The following FCMR variants were observed in gnomAD, a reference collection of about 807,000 sequenced individuals.
FCMR encodes the protein immunoglobulin mu Fc receptor.
FCMR carries 34 observed loss-of-function variants against 41.6 expected under a neutral mutation model. That is an observed-to-expected ratio of 0.82 (90% CI 0.62 to 1.09). The LOEUF is 1.09. Among genes scored for constraint, FCMR ranks in the 50% least tolerant of loss-of-function variants. The pLI is 0.00. For synonymous variants in FCMR, 209 were observed against 211.8 expected (o/e 0.99, Z 0.12); for missense variants, 496 against 512.5 (o/e 0.97, Z 0.31).
At chr1:206,921,721 C>T in intron 1 of FCMR, 97 bp downstream of exon 1, 1 of 1,203,358 alleles carries the variant, frequency 8.3e-7, no homozygotes, top group Non-Finnish European at 1.2e-6. Flanking sequence ...CTGAATCCAT[C>T]CAGAAACATC....
At chr1:206,917,430 C>G (rs1391838351) in intron 1 of FCMR, among the ~76,000 whole-genome samples, 2 of 152,128 alleles carry the variant, frequency 1.3e-5, no homozygotes, top group African/African-American at 4.8e-5. Context: ...AGGCCTGCAG[C>G]CTGTCACAAA....
At chr1:206,920,381 G>A (rs1679381939) in intron 1 of FCMR, among the ~76,000 whole-genome samples, 1 of 151,614 alleles carries the variant, frequency 6.6e-6, no homozygotes, top group African/African-American at 2.4e-5. Flanking sequence ...CTTGAACCCA[G>A]GAGGCGGAGG....
rs1307382306 is a variant in FCMR, at chr1:206,909,040, CGA to C, written c.1044+420_1044+421del. Among the ~76,000 whole-genome samples, 1 of 152,142 alleles carries C rather than the reference CGA, an allele frequency of 6.6e-6. No homozygotes were observed. Among genetic ancestry groups the C allele is most frequent in the Non-Finnish European group, 1.5e-5 (1 of 68,012 alleles). Reference sequence around the variant, plus strand: ...AAGGTAAATTACCTCCTCTCATCTTCGAGAGTTTACTAGAAAGTTCTCGCGCA... The same window carrying C: ...AAGGTAAATTACCTCCTCTCATCTTCGAGTTTACTAGAAAGTTCTCGCGCA... On this transcript the variant is annotated intron_variant, in intron 7 of 7. Transcript: ENST00000367091. The surrounding 1 kb of genome is among the most constrained non-coding windows in gnomAD (Gnocchi z 5.0).
At chr1:206,917,283 T>C (rs912173913) in intron 1 of FCMR, among the ~76,000 whole-genome samples, 9 of 152,108 alleles carry the variant, frequency 5.9e-5, no homozygotes, top group Non-Finnish European at 1.2e-4. Flanking sequence ...TCAACTCAAA[T>C]AAGAGCAGAT....
At chr1:206,906,730 G>A (rs1230959612) in intron 7 of FCMR, among the ~76,000 whole-genome samples, 1 of 151,904 alleles carries the variant, frequency 6.6e-6, no homozygotes, top group Non-Finnish European at 1.5e-5. Context: ...GAGAGGCAGG[G>A]TCAGCTTGGA....
chr1:206,915,779 T>C (rs137977594), intron 1 of FCMR, among the ~76,000 whole-genome samples: 1,738 of 152,252 alleles, frequency 0.011, 40 homozygotes, highest in African/African-American at 0.039. Flanking sequence ...GAACATAGCA[T>C]GTCCATGGGC....
intron 1 of FCMR, among the ~76,000 whole-genome samples, chr1:206,915,082 A>G (rs910255969): frequency 6.6e-6 from 1 of 152,240 alleles, no homozygotes; most frequent in Admixed American, 6.5e-5. Context: ...CCATCTAGCC[A>G]TTCATCCACA....
At chr1:206,917,167 A>G (rs1471659557) in intron 1 of FCMR, among the ~76,000 whole-genome samples, 1 of 152,172 alleles carries the variant, frequency 6.6e-6, no homozygotes, top group Non-Finnish European at 1.5e-5. Flanking sequence ...ACCATACAAA[A>G]TAAGATCAAG....
intron 1 of FCMR, among the ~76,000 whole-genome samples, chr1:206,919,673 G>T (rs996010563): frequency 1.3e-5 from 2 of 152,136 alleles, no homozygotes; most frequent in Non-Finnish European, 2.9e-5. Flanking sequence ...TGTGGGCATG[G>T]GCATGACTGG....
chr1:206,907,532 G>A, intron 7 of FCMR: 2 of 490,026 alleles, frequency 4.1e-6, no homozygotes, highest in Non-Finnish European at 7.8e-6. Context: ...TCCACCGTGT[G>A]GGCCCTGTCT....
chr1:206,912,762 G>A (rs564877611), intron 3 of FCMR, among the ~76,000 whole-genome samples, 167 bp downstream of exon 3: 8 of 152,296 alleles, frequency 5.3e-5, no homozygotes, highest in Non-Finnish European at 1.2e-4. Context: ...GATATGGACC[G>A]CAGATCTCAG....
At chr1:206,916,122 C>T (rs1679181802) in intron 1 of FCMR, among the ~76,000 whole-genome samples, 1 of 152,140 alleles carries the variant, frequency 6.6e-6, no homozygotes, top group African/African-American at 2.4e-5. Context: ...GACATGGAAA[C>T]CCTCACATGA....
Position 206,921,837 on chromosome 1 carries a change from C to G in FCMR, c.18G>C (p.Trp6Cys). 1 of 1,614,130 alleles carries G rather than the reference C, an allele frequency of 6.2e-7. No homozygotes were observed. The highest frequency in any genetic ancestry group is 2.2e-5 in the East Asian group (1 of 44,888). ...ACTTACCTGGCAGGAAGTAAAGTGG[C>G]CAAAGCCAGAAGTCCATTGTCCCTT... is the stretch of plus-strand genomic sequence containing the variant. The part of the protein sequence containing the change: MDFWL[W>C]PLYFLPVSGA... Residue 6 changes from tryptophan (W) to cysteine (C), a missense_variant, in exon 1 of 8, where the codon TGG becomes TGC. Physicochemically the swap from Trp to Cys is radical, Grantham distance 215. Transcript: ENST00000367091.
chr1:206,909,971 T>C lies in FCMR; in HGVS notation c.842-103A>G, dbSNP rs773003045. ...CTCCTCCCTCGGGCTTGGCAGTGTCTGACCTGGAGATGCTCCAAGCGTGGG... is the reference window on the plus strand; with the variant it reads ...CTCCTCCCTCGGGCTTGGCAGTGTCCGACCTGGAGATGCTCCAAGCGTGGG... On this transcript the variant is annotated intron_variant, in intron 5 of 7. Transcript: ENST00000367091. This position sits in a 1 kb window ranked among gnomAD's most constrained non-coding sequence, Gnocchi z 5.0. The C allele has an allele frequency of 2.3e-4, 296 of 1,280,704 alleles. No individual in the cohort carries two copies. Among genetic ancestry groups the C allele is most frequent in the Middle Eastern group, 4.7e-4 (2 of 4,272 alleles). 79.3% of individuals were successfully genotyped at this position (1,280,704 alleles called of 1,614,324 possible). A position where few individuals can be genotyped will look rare whatever the true frequency, so the allele number is the denominator to read the frequency against.
intron 7 of FCMR, chr1:206,908,102 A>T: frequency 8.6e-7 from 1 of 1,166,936 alleles, no homozygotes; most frequent in Non-Finnish European, 1.2e-6. Flanking sequence ...AAGTGGAAGG[A>T]GAAGGCCAAG....
At chr1:206,905,290 T>C in intron 7 of FCMR, 143 bp from the exon 8 acceptor site, 1 of 852,814 alleles carries the variant, frequency 1.2e-6, no homozygotes, top group Non-Finnish European at 1.8e-6. Context: ...CTCAGCTCCA[T>C]CAAGTGGAGT....
At position 206,909,829 on chromosome 1, in the gene FCMR, C is replaced by A; in HGVS notation, c.881G>T (p.Arg294Leu). ...GGGCCTCTGGGAGCTCTCCAGGGCG[C>A]GCATCCTCACGGCCAGTCGGCGGGC... is the stretch of plus-strand genomic sequence containing the variant. The part of the protein sequence containing the change: ...RRARRLAVRM[R>L]ALESSQRPRG... The change falls in exon 6 of 8, where the codon CGC becomes CTC. Residue 294 changes from arginine to leucine, a missense_variant. Arg to Leu is a moderately radical substitution (Grantham distance 102, BLOSUM62 -2). Coordinates refer to ENST00000367091, the MANE Select transcript of FCMR (RefSeq NM_005449.5). The surrounding 1 kb of genome is among the most constrained non-coding windows in gnomAD (Gnocchi z 5.0). The A allele has an allele frequency of 7.1e-7, 1 of 1,399,858 alleles. No homozygotes were observed. Among genetic ancestry groups the A allele is most frequent in the Non-Finnish European group, 9.2e-7 (1 of 1,082,058 alleles). 86.7% of individuals were successfully genotyped at this position (1,399,858 alleles called of 1,614,324 possible).
rs1209928992 is a variant in FCMR at position 206,912,079 on chromosome 1, C to T, written c.488-127G>A. On this transcript the variant is annotated intron_variant, in intron 3 of 7. Coordinates refer to ENST00000367091, the MANE Select transcript of FCMR (RefSeq NM_005449.5). ...ACAGACTACTTCTGTTCTTGCAGTC[C>T]TCAGGGCCTAAAATCCTTTTTAACA... 1.4e-5 allele frequency: 10 copies of T among 702,002 alleles called. No individual in the cohort carries two copies. In the South Asian group the frequency reaches 1.7e-4, roughly 12 times the overall value. 43.5% of individuals were successfully genotyped at this position (702,002 alleles called of 1,614,324 possible).
At chr1:206,913,566 A>T in intron 2 of FCMR, 193 bp downstream of exon 2, 1 of 603,442 alleles carries the variant, frequency 1.7e-6, no homozygotes, top group Non-Finnish European at 2.9e-6. Flanking sequence ...CTTTTCATAC[A>T]TGTTGGGTAG....
Sources: allele counts gnomAD v4.1 joint callset (sites outside exome capture counted in the v4.1 genomes callset), GRCh38; gene constraint gnomAD v4.1.1; non-coding constraint Gnocchi (gnomAD v3.1); transcripts MANE v1.5; gene names NCBI Gene and HGNC (gene_info 2026-07-23, HGNC 2026-07-21).